IGSF11: variants seen among roughly 807,000 people sequenced by gnomAD.
IGSF11 encodes the protein immunoglobulin superfamily member 11.
A neutral mutation model predicts 41.0 loss-of-function variants in IGSF11; 22 were observed. The ratio of observed to expected loss-of-function variants is 0.54; its 90% CI spans 0.38 to 0.77. IGSF11 has a LOEUF of 0.77. IGSF11 is among the 30% of genes least tolerant of loss of function. The pLI, the probability that IGSF11 is intolerant of heterozygous loss-of-function variation, is 0.00. For synonymous variants in IGSF11, 219 were observed against 201.3 expected, an observed-to-expected ratio of 1.09 and a Z score of -0.74; for missense variants, 444 against 530.8, an observed-to-expected ratio of 0.84 and a Z score of 1.61.
chr3:119,143,212 G>C (rs1198059560), intron 1 of IGSF11, among the ~76,000 whole-genome samples: 1 of 152,034 alleles, frequency 6.6e-6, no homozygotes, highest in African/African-American at 2.4e-5. Flanking sequence ...TTTTTGGTTT[G>C]AACCTCTTTT....
intron 2 of IGSF11, 32 bp from the exon 3 acceptor site, chr3:118,928,748 C>T: frequency 6.6e-7 from 1 of 1,504,370 alleles, no homozygotes; most frequent in South Asian, 1.2e-5. Flanking sequence ...ATAAACTGGC[C>T]ACTCTATCCT....
upstream of IGSF11, among the ~76,000 whole-genome samples, chr3:119,107,302 T>C (rs74969865): frequency 0.12 from 17,593 of 152,250 alleles, 1,140 homozygotes; most frequent in East Asian, 0.23. Flanking sequence ...AGATGGTATC[T>C]CATTGTGGTT....
chr3:119,090,815 T>A (rs1374933574), intron 1 of IGSF11, among the ~76,000 whole-genome samples: 1 of 152,136 alleles, frequency 6.6e-6, no homozygotes, highest in East Asian at 1.9e-4. Context: ...ATTCTTGACA[T>A]CAGCCTTGGC....
At chr3:118,923,579 A>C (rs1418404316) in intron 4 of IGSF11, among the ~76,000 whole-genome samples, 1 of 152,194 alleles carries the variant, frequency 6.6e-6, no homozygotes, top group Non-Finnish European at 1.5e-5. Flanking sequence ...ACATCTAGTC[A>C]TCTTAACCCA....
chr3:118,945,503 A>G (rs1944056117), intron 1 of IGSF11, among the ~76,000 whole-genome samples: 1 of 152,234 alleles, frequency 6.6e-6, no homozygotes, highest in Admixed American at 6.5e-5. Context: ...GAGAAGTAGG[A>G]AAGAAATGTT....
chr3:119,081,371 C>A (rs2076583236), intron 1 of IGSF11, among the ~76,000 whole-genome samples: 1 of 151,856 alleles, frequency 6.6e-6, no homozygotes, highest in Admixed American at 6.6e-5. Flanking sequence ...CATTCTATTT[C>A]TTTGTGCTCT....
intron 1 of IGSF11, among the ~76,000 whole-genome samples, chr3:119,026,154 T>C (rs570264580): frequency 6.6e-6 from 1 of 152,312 alleles, no homozygotes; most frequent in East Asian, 1.9e-4. Flanking sequence ...ACTTCTTCAT[T>C]GAGTTTTTAC....
chr3:119,045,100 A>G, intron 1 of IGSF11, among the ~76,000 whole-genome samples: 1 of 152,256 alleles, frequency 6.6e-6, no homozygotes, highest in East Asian at 1.9e-4. Flanking sequence ...CTTAAAAAAT[A>G]GAGAATGGCA....
chr3:119,131,048 C>A (rs1489297783), intron 1 of IGSF11, among the ~76,000 whole-genome samples: 1 of 152,162 alleles, frequency 6.6e-6, no homozygotes, highest in Non-Finnish European at 1.5e-5. Context: ...ATCAGTAGGT[C>A]ACCAACATCA....
At chr3:119,106,711 A>G (rs759070630), upstream of IGSF11, among the ~76,000 whole-genome samples, 26 of 152,252 alleles carry the variant, frequency 1.7e-4, no homozygotes, top group Non-Finnish European at 3.4e-4. Context: ...AGCATCAGGT[A>G]TATCTCCTAA....
At chr3:119,138,786 T>C (rs1258905451) in intron 1 of IGSF11, among the ~76,000 whole-genome samples, 1 of 152,218 alleles carries the variant, frequency 6.6e-6, no homozygotes, top group African/African-American at 2.4e-5. Context: ...AAATTTCACA[T>C]GTTCTCGCTT....
At chr3:119,119,409 C>T (rs987619182) in intron 1 of IGSF11, among the ~76,000 whole-genome samples, 4 of 152,196 alleles carry the variant, frequency 2.6e-5, no homozygotes, top group Non-Finnish European at 1.5e-5. Context: ...GACTTATTCA[C>T]TATCACAAGA....
chr3:119,008,843 C>T (rs906134013), intron 1 of IGSF11, among the ~76,000 whole-genome samples: 18 of 152,260 alleles, frequency 1.2e-4, no homozygotes, highest in Admixed American at 7.8e-4. Context: ...AGGTGGGCCC[C>T]ATCCAATCAG....
At chr3:118,964,828 T>C (rs1299995107) in intron 1 of IGSF11, among the ~76,000 whole-genome samples, 1 of 152,202 alleles carries the variant, frequency 6.6e-6, no homozygotes, top group Admixed American at 6.5e-5. Context: ...GTATTTATTT[T>C]GTCTTCAGCA....
chr3:118,907,589 TA>T (rs1472104779), intron 4 of IGSF11, among the ~76,000 whole-genome samples: 1 of 152,136 alleles, frequency 6.6e-6, no homozygotes, highest in Non-Finnish European at 1.5e-5. Context: ...AAGTGATCAA[TA>T]AATAAAAGTG....
intron 1 of IGSF11, among the ~76,000 whole-genome samples, chr3:119,121,932 A>G (rs1320853598): frequency 2.0e-5 from 3 of 152,232 alleles, no homozygotes; most frequent in Non-Finnish European, 2.9e-5. Context: ...AAAGAAAATG[A>G]CAGTCAACTA....
chr3:119,119,052 C>T (rs1366676376), intron 1 of IGSF11, among the ~76,000 whole-genome samples: 1 of 152,164 alleles, frequency 6.6e-6, no homozygotes, highest in Non-Finnish European at 1.5e-5. Flanking sequence ...CCAAACTTTC[C>T]CACATTTTCC....
chr3:119,090,378 A>G lies in IGSF11; in HGVS notation c.49+14766T>C, dbSNP rs554831991. Among the ~76,000 whole-genome samples the G allele has an allele frequency of 4.6e-5, 7 of 152,312 alleles. No homozygotes were observed. In the East Asian group the frequency reaches 1.2e-3, roughly 25 times the overall value. ...CATCATCCTTCACAGAATTAGAAAA[A>G]CTATTCTAAAATTCATATGGAACAA... On this transcript the variant is annotated intron_variant, in intron 1 of 6. Transcript: ENST00000354673.
chr3:119,061,396 G>A (rs1942046644), intron 1 of IGSF11, among the ~76,000 whole-genome samples: 1 of 152,138 alleles, frequency 6.6e-6, no homozygotes, highest in South Asian at 2.1e-4. Flanking sequence ...TCTGACACCA[G>A]CAGGAATCCG....
Sources: gnomAD v4.1 joint callset for allele counts (sites outside exome capture counted in the v4.1 genomes callset) on GRCh38, gnomAD v4.1.1 for gene constraint, MANE v1.5 for transcripts, NCBI Gene and HGNC (gene_info 2026-07-23, HGNC 2026-07-21) for gene names.